Variants in KATNAL2 observed in about 807,000 individuals in gnomAD.
The protein encoded by KATNAL2 is katanin catalytic subunit A1 like 2.
In KATNAL2, 52 loss-of-function variants were observed where a neutral mutation model predicts 76.3. The observed-to-expected ratio is 0.68, with a 90% CI of 0.55 to 0.86. The LOEUF is 0.86. Among genes scored for constraint, KATNAL2 ranks in the 40% least tolerant of loss-of-function variants. The pLI, the probability that KATNAL2 is intolerant of heterozygous loss-of-function variation, is 0.00. For synonymous variants in KATNAL2, 243 were observed against 244.2 expected (o/e 1.00, Z 0.05); for missense variants, 660 against 668.9 (o/e 0.99, Z 0.15).
chr18:46,961,172 A>G (rs1215773796), intron 3 of KATNAL2, among the ~76,000 whole-genome samples: 1 of 152,192 alleles, frequency 6.6e-6, no homozygotes, highest in African/African-American at 2.4e-5. Flanking sequence ...CTTTAACTAC[A>G]AGGACCAGGT....
intron 1 of KATNAL2, among the ~76,000 whole-genome samples, chr18:46,938,815 G>A (rs972255719): frequency 3.3e-5 from 5 of 151,972 alleles, no homozygotes; most frequent in African/African-American, 7.3e-5. Flanking sequence ...GGTTCACTTA[G>A]TGTCACTATC....
intron 3 of KATNAL2, among the ~76,000 whole-genome samples, chr18:47,039,835 A>G (rs2060903619): frequency 6.6e-6 from 1 of 152,230 alleles, no homozygotes; most frequent in Admixed American, 6.5e-5. Context: ...TAATATTGGC[A>G]TAGCACCCCC....
At chr18:47,073,066 C>T (rs1404843559) in intron 13 of KATNAL2, among the ~76,000 whole-genome samples, 4 of 152,152 alleles carry the variant, frequency 2.6e-5, no homozygotes, top group East Asian at 1.9e-4. Flanking sequence ...AGGGAACAGA[C>T]ATCACCGATT....
intron 1 of KATNAL2, among the ~76,000 whole-genome samples, chr18:46,923,226 C>T (rs2058626608): frequency 7.3e-6 from 1 of 136,168 alleles, no homozygotes; most frequent in African/African-American, 2.7e-5. Flanking sequence ...CCCCCCACCC[C>T]ACAACAGTCC....
intron 15 of KATNAL2, among the ~76,000 whole-genome samples, chr18:47,088,052 T>C (rs544688114): frequency 6.6e-6 from 1 of 152,268 alleles, no homozygotes; most frequent in African/African-American, 2.4e-5. Flanking sequence ...CACTCTAAGG[T>C]CGGGGGGCAG....
chr18:47,031,458 T>C (rs1454171838), intron 3 of KATNAL2, among the ~76,000 whole-genome samples: 3 of 152,222 alleles, frequency 2.0e-5, no homozygotes, highest in Admixed American at 6.5e-5. Flanking sequence ...CGGGGTGTGT[T>C]TCTTCTGCAG....
At chr18:46,961,685 A>G (rs956426520) in intron 3 of KATNAL2, among the ~76,000 whole-genome samples, 2 of 152,186 alleles carry the variant, frequency 1.3e-5, no homozygotes, top group Admixed American at 1.3e-4. Flanking sequence ...TTGACCACCA[A>G]TTTTTGAAAA....
chr18:46,961,066 T>C (rs4890699), intron 3 of KATNAL2, among the ~76,000 whole-genome samples: 79,456 of 152,122 alleles, frequency 0.52, 20,991 homozygotes, highest in Middle Eastern at 0.57. Context: ...CATTAGCTAA[T>C]ACAACAGAAA....
intron 15 of KATNAL2, among the ~76,000 whole-genome samples, chr18:47,095,009 G>A (rs2063168161): frequency 6.6e-6 from 1 of 152,054 alleles, no homozygotes; most frequent in African/African-American, 2.4e-5. Flanking sequence ...AGTCTCTTGG[G>A]GATTCTGTGA....
In KATNAL2 at chr18:47,091,922, C is replaced by T. The variant is rs113718903; in HGVS notation, c.1212-7321C>T. ...GCCTTGGAAGAAAATATAGCAACTG[C>T]TCATTACCCTGTGCTCTGCCATTTC... On this transcript the variant is annotated intron_variant, in intron 15 of 17. Transcript: ENST00000683218. Among the ~76,000 whole-genome samples the T allele has an allele frequency of 5.8e-3, 890 of 152,272 alleles. 12 individuals carry two copies. Among genetic ancestry groups the T allele is most frequent in the African/African-American group, 0.02 (833 of 41,544 alleles).
chr18:47,043,245 A>T (rs2576045), intron 3 of KATNAL2, among the ~76,000 whole-genome samples: 4,917 of 92,948 alleles, frequency 0.053, 708 homozygotes, highest in African/African-American at 0.082. Context: ...AAAAAAAAAA[A>T]GAGATCCTAA....
Position 47,028,426 on chromosome 18 carries a change from CG to C in KATNAL2, c.52-18029del, listed in dbSNP as rs752262235. 19 of 237,234 alleles carry C rather than the reference CG, an allele frequency of 8.0e-5. No individual in the cohort carries two copies. The Admixed American group carries it at 1.1e-3, about 14-fold the overall frequency. 14.7% of individuals were successfully genotyped at this position (237,234 alleles called of 1,614,324 possible). A position where few individuals can be genotyped will look rare whatever the true frequency, so the allele number is the denominator to read the frequency against. On this transcript the variant is annotated intron_variant, in intron 3 of 17. Transcript: ENST00000683218. ...TCCATCTCTCCATTTCCGGGGTCAG[CG>C]GCTCCTGCAGACTTCTCTTGCCTCC...
chr18:47,099,517 C>A (rs146753620), intron 16 of KATNAL2, 112 bp downstream of exon 16: 2 of 1,002,236 alleles, frequency 2.0e-6, no homozygotes, highest in Non-Finnish European at 1.4e-6. Context: ...AGAATAAGAT[C>A]CAAGCTGCCC....
intron 15 of KATNAL2, among the ~76,000 whole-genome samples, chr18:47,081,859 T>C (rs55730206): frequency 0.55 from 84,089 of 152,010 alleles, 23,512 homozygotes; most frequent in Middle Eastern, 0.63. Context: ...ATTCAGAGAT[T>C]ACAGTCTCAC....
In KATNAL2 at chr18:47,101,049, C is replaced by T; in HGVS notation, c.*44C>T. 1 of 1,604,670 alleles carries T rather than the reference C, an allele frequency of 6.2e-7. No homozygotes were observed. Among genetic ancestry groups the T allele is most frequent in the South Asian group, 1.1e-5 (1 of 90,730 alleles). ...CTGGCCACAAAGGCAACCACAAAGA[C>T]CTCCTAGTTTATTAATGTCCGTGGG... On this transcript the variant is annotated 3_prime_UTR_variant, in exon 18 of 18. Transcript: ENST00000683218.
At chr18:46,961,017 G>T (rs866590031) in intron 3 of KATNAL2, among the ~76,000 whole-genome samples, 23 of 152,314 alleles carry the variant, frequency 1.5e-4, no homozygotes, top group Middle Eastern at 6.8e-3. Context: ...GGTCATGATA[G>T]ATCAAGCAAA....
rs1042027088 is a variant in KATNAL2, at chr18:46,917,632, C to G, written c.-804C>G. ...GCGCGGCGACAGCGCCCGCCCGCGC[C>G]TGCCCCGGCGTGCTGCCCCGCGGCT... On this transcript the variant is annotated 5_prime_UTR_variant, in exon 1 of 18. Coordinates refer to ENST00000683218, the MANE Select transcript of KATNAL2 (RefSeq NM_001387690.1). 2.5e-5 allele frequency: 22 copies of G among 866,662 alleles called. No homozygotes were observed. The highest frequency in any genetic ancestry group is 3.6e-5 in the African/African-American group (2 of 54,862). The allele number at this position is 866,662 out of a possible 1,614,324, so 53.7% of individuals were successfully genotyped here. A position where few individuals can be genotyped will look rare whatever the true frequency, so the allele number is the denominator to read the frequency against.
At chr18:47,084,487 G>A (rs1162128701) in intron 15 of KATNAL2, 2 of 684,432 alleles carry the variant, frequency 2.9e-6, no homozygotes, top group East Asian at 5.4e-5. Context: ...GGCCTGGTAT[G>A]TTCAGGAGAT....
At chr18:47,033,582 C>T (rs1457748598) in intron 3 of KATNAL2, 1 of 1,614,072 alleles carries the variant, frequency 6.2e-7, no homozygotes, top group South Asian at 1.1e-5. Context: ...CGGGCCTCCA[C>T]CCTTCCAGAA....
Sources: allele counts gnomAD v4.1 joint callset (sites outside exome capture counted in the v4.1 genomes callset), GRCh38; gene constraint gnomAD v4.1.1; transcripts MANE v1.5; gene names NCBI Gene and HGNC (gene_info 2026-07-23, HGNC 2026-07-21).